KHDRBS1: variants seen among roughly 807,000 people sequenced by gnomAD.
KHDRBS1 encodes the protein KH domain-containing, RNA-binding, signal transduction-associated protein 1.
KHDRBS1 carries 7 observed loss-of-function variants against 48.4 expected under a neutral mutation model. The observed-to-expected ratio is 0.14, with a 90% CI of 0.08 to 0.27. The LOEUF (loss-of-function observed/expected upper bound fraction) is 0.27, where lower values mean the gene tolerates loss of function less well. Ranked by LOEUF, KHDRBS1 falls within the 10% of genes least tolerant of loss-of-function variation. The pLI is 1.00. For missense variants in KHDRBS1, 458 were observed against 601.2 expected, an observed-to-expected ratio of 0.76 and a Z score of 2.49; for synonymous variants, 241 against 235.8, an observed-to-expected ratio of 1.02 and a Z score of -0.20.
At chr1:32,046,093 G>A (rs1472414736), downstream of KHDRBS1, among the ~76,000 whole-genome samples, 4 of 152,176 alleles carry the variant, frequency 2.6e-5, no homozygotes, top group East Asian at 7.7e-4. Context: ...CCCATAATTA[G>A]TATGGCTGGT....
intron 1 of KHDRBS1, among the ~76,000 whole-genome samples, chr1:32,014,674 G>T (rs988332375): frequency 5.3e-5 from 8 of 152,212 alleles, no homozygotes; most frequent in Non-Finnish European, 1.0e-4. Flanking sequence ...CCCTCCTCTT[G>T]CGGCTGCCGG....
chr1:32,056,491 G>C (rs1461026825), intron 10 of KHDRBS1, among the ~76,000 whole-genome samples: 2 of 152,154 alleles, frequency 1.3e-5, no homozygotes, highest in Non-Finnish European at 2.9e-5. Context: ...TCAACCTCTG[G>C]TGCCCACCTC....
chr1:32,020,388 T>C (rs1638834633), intron 1 of KHDRBS1, among the ~76,000 whole-genome samples: 1 of 150,378 alleles, frequency 6.6e-6, no homozygotes, highest in Non-Finnish European at 1.5e-5. Context: ...ATCGTGCCAC[T>C]GCACTCCAGC....
In KHDRBS1 at chr1:32,038,262, T is replaced by C. The variant is rs1569805728; in HGVS notation, c.1107+226T>C. ...AAACAAGAAATAAAATGTACTTTAA[T>C]GTAGTATTTTATAATGAATTTCTTA... On this transcript the variant is annotated intron_variant, in intron 6 of 8. Transcript: ENST00000327300. 23 of 721,480 alleles carry C rather than the reference T, an allele frequency of 3.2e-5. 1 individual carries two copies. The highest frequency in any genetic ancestry group is 2.8e-4 in the South Asian group (14 of 50,906). The allele number at this position is 721,480 out of a possible 1,614,324, so 44.7% of individuals were successfully genotyped here.
chr1:32,033,366 CA>C, intron 4 of KHDRBS1, 32 bp downstream of exon 4: 2 of 1,610,232 alleles, frequency 1.2e-6, no homozygotes, highest in Non-Finnish European at 1.7e-6. Flanking sequence ...GTCTTCTGAG[CA>C]AAAGAGAACT....
intron 10 of KHDRBS1, chr1:32,052,300 T>C (rs1216024965): frequency 1.3e-5 from 2 of 152,006 alleles, no homozygotes; most frequent in Non-Finnish European, 2.9e-5. Flanking sequence ...GACTGCTTAT[T>C]GTAAATTGTG....
chr1:32,037,959 G>T lies in KHDRBS1; in HGVS notation c.1030G>T (p.Ala344Ser). 1 of 1,614,256 alleles carries T rather than the reference G, an allele frequency of 6.2e-7. No individual in the cohort carries two copies. Among genetic ancestry groups the T allele is most frequent in the Non-Finnish European group, 8.5e-7 (1 of 1,180,046 alleles). ...PPPPTVRGAPAPRARTAGIQR... is the reference protein window; with the variant it reads ...PPPPTVRGAPSPRARTAGIQR... The stretch of plus-strand genomic sequence containing the variant: ...CCCACCTACTGTGAGGGGTGCTCCA[G>T]CACCAAGAGCACGGACAGCGGGCAT... The change falls in exon 6 of 9, where the codon GCA (alanine) becomes TCA (serine). Residue 344 changes from alanine to serine, a missense_variant. Ala to Ser is a moderately conservative substitution (Grantham distance 99, BLOSUM62 1). This residue lies in a region of KHDRBS1 where 171 missense variants were observed against 228.7 expected (regional missense o/e 0.75). Transcript: ENST00000327300.
At chr1:32,054,596 A>G (rs1013214750) in intron 10 of KHDRBS1, 2 of 152,182 alleles carry the variant, frequency 1.3e-5, no homozygotes, top group Non-Finnish European at 2.9e-5. Flanking sequence ...GGCTTTGCTC[A>G]CCACTAGAAG....
At chr1:32,023,016 A>G (rs1039032442) in intron 1 of KHDRBS1, among the ~76,000 whole-genome samples, 13 of 152,148 alleles carry the variant, frequency 8.5e-5, no homozygotes, top group African/African-American at 3.1e-4. Context: ...TGTGAGTTAC[A>G]TCTCTTTTTC....
intron 1 of KHDRBS1, among the ~76,000 whole-genome samples, chr1:32,022,456 G>A (rs986636852): frequency 5.3e-5 from 8 of 152,170 alleles, no homozygotes; most frequent in African/African-American, 1.7e-4. Flanking sequence ...GTAGAACCAA[G>A]TATAGTGGGA....
chr1:32,015,473 C>T (rs1489390163), intron 1 of KHDRBS1, among the ~76,000 whole-genome samples: 1 of 152,132 alleles, frequency 6.6e-6, no homozygotes, highest in Non-Finnish European at 1.5e-5. Context: ...AATATTATCT[C>T]CCTCCCTTTG....
chr1:32,035,901 A>G lies in KHDRBS1; in HGVS notation c.772-1009A>G, dbSNP rs76782066. On this transcript the variant is annotated intron_variant, in intron 4 of 8. Coordinates refer to ENST00000327300, the MANE Select transcript of KHDRBS1 (RefSeq NM_006559.3). ...AGTTGTAGGGGTGGCATCAAGAGAAAGTTTTTCAAGAGACACTTATTTAGG... is the reference window on the plus strand; with the variant it reads ...AGTTGTAGGGGTGGCATCAAGAGAAGGTTTTTCAAGAGACACTTATTTAGG... 1.6e-3 allele frequency among the ~76,000 whole-genome samples: 247 copies of G among 152,288 alleles called. 2 individuals are homozygous for G. In the East Asian group the frequency reaches 0.021, roughly 13 times the overall value.
intron 1 of KHDRBS1, among the ~76,000 whole-genome samples, chr1:32,028,985 G>T (rs1047867781): frequency 6.6e-6 from 1 of 151,990 alleles, no homozygotes; most frequent in Non-Finnish European, 1.5e-5. Flanking sequence ...AGTCTGACTC[G>T]CTCTATTGTA....
At chr1:32,035,290 C>T (rs1178216915) in intron 4 of KHDRBS1, among the ~76,000 whole-genome samples, 2 of 152,014 alleles carry the variant, frequency 1.3e-5, no homozygotes, top group Non-Finnish European at 2.9e-5. Context: ...TTGGAGGAGT[C>T]TGAGCAATGG....
chr1:32,028,500 C>CTTTTT (rs1235962364), intron 1 of KHDRBS1, among the ~76,000 whole-genome samples: 1 of 123,378 alleles, frequency 8.1e-6, no homozygotes, highest in Non-Finnish European at 1.7e-5. Context: ...ACTATATATA[C>CTTTTT]TTTTTTTTTT....
intron 1 of KHDRBS1, among the ~76,000 whole-genome samples, chr1:32,015,451 G>A (rs1348955693): frequency 6.6e-6 from 1 of 152,206 alleles, no homozygotes; most frequent in African/African-American, 2.4e-5. Context: ...ATAATGGACA[G>A]TTCATTATGA....
chr1:32,045,676 A>C (rs1471719282), downstream of KHDRBS1, among the ~76,000 whole-genome samples: 2 of 152,240 alleles, frequency 1.3e-5, no homozygotes, highest in Non-Finnish European at 2.9e-5. Context: ...TGCAAGCAAC[A>C]AAGTGGCTAA....
At chr1:32,025,611 TTC>T (rs1386286181) in intron 1 of KHDRBS1, among the ~76,000 whole-genome samples, 1 of 149,608 alleles carries the variant, frequency 6.7e-6, no homozygotes, top group East Asian at 2.1e-4. Context: ...CCCTCCACCC[TTC>T]TTGAAAGCTC....
intron 10 of KHDRBS1, among the ~76,000 whole-genome samples, chr1:32,054,918 T>C (rs1307717461): frequency 6.6e-6 from 1 of 152,160 alleles, no homozygotes; most frequent in African/African-American, 2.4e-5. Context: ...CAAACAACCC[T>C]GTGAAGCAAT....
Sources: allele counts gnomAD v4.1 joint callset (sites outside exome capture counted in the v4.1 genomes callset), GRCh38; gene constraint gnomAD v4.1.1; regional missense constraint gnomAD v4.1.1; transcripts MANE v1.5; gene names NCBI Gene and HGNC (gene_info 2026-07-23, HGNC 2026-07-21).